ANKFN1: variants seen among roughly 807,000 people sequenced by gnomAD.
The protein encoded by ANKFN1 is ankyrin repeat and fibronectin type III domain containing 1.
ANKFN1 carries 74 observed loss-of-function variants against 108.7 expected under a neutral mutation model. The ratio of observed to expected loss-of-function variants is 0.68; its 90% CI spans 0.56 to 0.83. The LOEUF is 0.83. ANKFN1 is among the 40% of genes least tolerant of loss of function. The probability of loss-of-function intolerance (pLI) is 0.00; values close to 1 mark genes in which losing one functional copy is unlikely to be tolerated. For missense variants in ANKFN1, 1,505 were observed against 1,382.3 expected, an observed-to-expected ratio of 1.09 and a Z score of -1.41; for synonymous variants, 547 against 516.2, an observed-to-expected ratio of 1.06 and a Z score of -0.81.
At chr17:56,492,998 T>C (rs2051089923) in intron 19 of ANKFN1, among the ~76,000 whole-genome samples, 1 of 152,188 alleles carries the variant, frequency 6.6e-6, no homozygotes, top group South Asian at 2.1e-4. Context: ...TTTCAATCTT[T>C]CTGTCCATCA....
chr17:56,480,838 T>C lies in ANKFN1; in HGVS notation c.2091+20T>C. 1.9e-6 allele frequency: 3 copies of C among 1,609,482 alleles called. No homozygotes were observed. The highest frequency in any genetic ancestry group is 2.5e-6 in the Non-Finnish European group (3 of 1,177,490). Reference sequence around the variant, plus strand: ...CACCAGGTACTAGACTTTACCATTTTTATCTTCTTTTTTTATGGCTCATGG... The same window carrying C: ...CACCAGGTACTAGACTTTACCATTTCTATCTTCTTTTTTTATGGCTCATGG... On this transcript the variant is annotated intron_variant, in intron 17 of 20. Transcript: ENST00000682825.
intron 1 of ANKFN1, among the ~76,000 whole-genome samples, chr17:56,210,245 G>A (rs1266007585): frequency 1.3e-5 from 2 of 152,142 alleles, no homozygotes; most frequent in Non-Finnish European, 2.9e-5. Flanking sequence ...CTTCCTCTGG[G>A]TAGATACCTA....
chr17:56,480,850 T>C (rs1341007359), intron 17 of ANKFN1, 32 bp downstream of exon 17: 1 of 1,605,850 alleles, frequency 6.2e-7, no homozygotes, highest in East Asian at 2.2e-5. Flanking sequence ...ATCTTCTTTT[T>C]TTATGGCTCA....
intron 14 of ANKFN1, among the ~76,000 whole-genome samples, chr17:56,465,078 A>C (rs761721582): frequency 6.6e-6 from 1 of 152,172 alleles, no homozygotes; most frequent in Non-Finnish European, 1.5e-5. Context: ...GCTACAAATC[A>C]GGGCTTTCTT....
chr17:56,204,337 C>T (rs1233075052), intron 1 of ANKFN1, among the ~76,000 whole-genome samples: 2 of 149,408 alleles, frequency 1.3e-5, no homozygotes, highest in East Asian at 2.0e-4. Flanking sequence ...TGAGCCACCA[C>T]GCCCAGCCTA....
In ANKFN1 at chr17:56,478,364, G is replaced by A. The variant is rs74673058; in HGVS notation, c.1940+710G>A. 3.4e-4 allele frequency among the ~76,000 whole-genome samples: 51 copies of A among 151,898 alleles called. No individual in the cohort carries two copies. The East Asian group carries it at 5.4e-3, about 16-fold the overall frequency. The stretch of plus-strand genomic sequence containing the variant: ...TTTTTGCTTTCTGTTTTTAAATATC[G>A]CCTACAGGAATGGGTTTCATAGAGC... On this transcript the variant is annotated intron_variant, in intron 16 of 20. Transcript: ENST00000682825.
intron 4 of ANKFN1, among the ~76,000 whole-genome samples, chr17:56,075,098 C>T (rs1220803064): frequency 6.6e-6 from 1 of 152,138 alleles, no homozygotes; most frequent in Admixed American, 6.6e-5. Flanking sequence ...AACCTCAAGC[C>T]CAGTACTATT....
intron 3 of ANKFN1, among the ~76,000 whole-genome samples, chr17:56,272,624 G>A (rs2144189611): frequency 6.6e-6 from 1 of 152,230 alleles, no homozygotes; most frequent in South Asian, 2.1e-4. Context: ...TGTGGATAAT[G>A]TTGCTATGAA....
intron 4 of ANKFN1, among the ~76,000 whole-genome samples, chr17:56,066,738 C>T (rs1219200519): frequency 6.6e-6 from 1 of 152,134 alleles, no homozygotes; most frequent in Non-Finnish European, 1.5e-5. Flanking sequence ...ACTTCTTCCC[C>T]TCCCCATAGC....
chr17:56,128,216 T>G lies in ANKFN1; in HGVS notation c.288+81891T>G, dbSNP rs560815095. Among the ~76,000 whole-genome samples the G allele has an allele frequency of 7.5e-5, 11 of 146,306 alleles. 1 individual carries two copies. The South Asian group carries it at 2.5e-3, about 33-fold the overall frequency. On this transcript the variant is annotated intron_variant, in intron 4 of 12. Coordinates refer to the ANKFN1 transcript ENST00000635860. ...CCTAAGGGGTTTGTTTTTACCTCCC[T>G]CCTGGAAGCCAATAGCCCTTTTTTT... is the stretch of plus-strand genomic sequence containing the variant.
Position 56,221,883 on chromosome 17 carries a change from G to A in ANKFN1, c.13-6034G>A, listed in dbSNP as rs563927313. Among the ~76,000 whole-genome samples, 12 of 152,248 alleles carry A rather than the reference G, an allele frequency of 7.9e-5. No individual in the cohort carries two copies. In the East Asian group the frequency reaches 2.3e-3, roughly 29 times the overall value. ...GGGAAGGTGAGGGCACTGAAGCCTG[G>A]GAAAATGCCTGCCTCCCAGGAAACA... On this transcript the variant is annotated intron_variant, in intron 2 of 20. Coordinates refer to ENST00000682825, the MANE Select transcript of ANKFN1 (RefSeq NM_001370326.1).
rs2046843209 is a variant in ANKFN1 at position 56,372,697 on chromosome 17, C to T, written c.653C>T (p.Ala218Val). 1.2e-6 allele frequency: 2 copies of T among 1,613,874 alleles called. No individual in the cohort carries two copies. The highest frequency in any genetic ancestry group is 8.5e-7 in the Non-Finnish European group (1 of 1,179,934). ...CACCTCAACACACTGGTCCAGGAAG[C>T]CCAGGAGAGGGTGAGTGAACTGTCT... ...AMHLNTLVQE[A>V]QERVSELSAQ... is the part of the protein sequence containing the mutation. Residue 218 changes from alanine (A) to valine (V), a missense_variant, in exon 7 of 21, where the codon GCC (alanine) becomes GTC (valine). Physicochemically the swap from Ala to Val is moderately conservative, Grantham distance 64 (BLOSUM62 0). Coordinates refer to ENST00000682825, the MANE Select transcript of ANKFN1 (RefSeq NM_001370326.1).
intron 1 of ANKFN1, among the ~76,000 whole-genome samples, chr17:56,199,267 C>CAA (rs35028021): frequency 1.9e-4 from 24 of 128,806 alleles, no homozygotes; most frequent in African/African-American, 5.7e-4. Flanking sequence ...ATTGCTGTTA[C>CAA]AAAAAAAAAA....
At chr17:56,381,571 C>A (rs1355642907) in intron 8 of ANKFN1, among the ~76,000 whole-genome samples, 1 of 152,022 alleles carries the variant, frequency 6.6e-6, no homozygotes, top group Non-Finnish European at 1.5e-5. Context: ...CTAGAATAAC[C>A]AATACAGGGA....
chr17:56,379,733 G>C (rs1466049632), intron 8 of ANKFN1, among the ~76,000 whole-genome samples: 1 of 152,088 alleles, frequency 6.6e-6, no homozygotes, highest in African/African-American at 2.4e-5. Flanking sequence ...ATGGATGTTG[G>C]TTGTTTTAAT....
intron 15 of ANKFN1, among the ~76,000 whole-genome samples, chr17:56,474,009 A>G (rs891278436): frequency 1.3e-5 from 2 of 152,164 alleles, no homozygotes; most frequent in African/African-American, 4.8e-5. Context: ...TTTCATATTA[A>G]GTTTCAACCG....
At chr17:56,354,977 G>C (rs779499475) in intron 6 of ANKFN1, among the ~76,000 whole-genome samples, 1 of 152,112 alleles carries the variant, frequency 6.6e-6, no homozygotes, top group East Asian at 1.9e-4. Flanking sequence ...TCATATGGTA[G>C]TTCTATTTTT....
chr17:56,376,882 G>T (rs765481449), intron 8 of ANKFN1, among the ~76,000 whole-genome samples: 1 of 152,136 alleles, frequency 6.6e-6, no homozygotes, highest in Non-Finnish European at 1.5e-5. Flanking sequence ...GTTCTCAAGG[G>T]TTATTTAAAA....
At position 56,515,187 on chromosome 17, in the gene ANKFN1, T is replaced by A. The variant is rs1257864784; in HGVS notation, c.*3918T>A. Among the ~76,000 whole-genome samples the A allele has an allele frequency of 6.6e-6, 1 of 152,126 alleles. No homozygotes were observed. The highest frequency in any genetic ancestry group is 1.5e-5 in the Non-Finnish European group (1 of 68,012). ...AAATGTACACATGTTAGGAAGGTGA[T>A]GACATTTTTCTACAGCTCTCTCAAC... On this transcript the variant is annotated 3_prime_UTR_variant, in exon 21 of 21. Coordinates refer to ENST00000682825, the MANE Select transcript of ANKFN1 (RefSeq NM_001370326.1).
Sources: allele counts gnomAD v4.1 joint callset (sites outside exome capture counted in the v4.1 genomes callset), GRCh38; gene constraint gnomAD v4.1.1; transcripts MANE v1.5; gene names NCBI Gene and HGNC (gene_info 2026-07-23, HGNC 2026-07-21).